Variants in NCOR2 observed in about 807,000 individuals in gnomAD.
NCOR2 encodes the protein nuclear receptor corepressor 2, also known as CTG repeat protein 26.
A neutral mutation model predicts 262.9 loss-of-function variants in NCOR2; 81 were observed. The ratio of observed to expected loss-of-function variants is 0.31; its 90% CI spans 0.26 to 0.37. The LOEUF (loss-of-function observed/expected upper bound fraction) is 0.37, where lower values mean the gene tolerates loss of function less well. Among genes scored for constraint, NCOR2 ranks in the 10% least tolerant of loss-of-function variants. The pLI is 1.00. For missense variants in NCOR2, 3,385 were observed against 3,621.4 expected (o/e 0.93, Z 1.68); for synonymous variants, 1,659 against 1,559.3 (o/e 1.06, Z -1.51).
chr12:124,488,058 G>A (rs1042645004), intron 1 of NCOR2, among the ~76,000 whole-genome samples: 2 of 152,102 alleles, frequency 1.3e-5, no homozygotes, highest in African/African-American at 2.4e-5. Context: ...AAGGGACTTC[G>A]TCTCTTCTTG....
At chr12:124,343,906 G>A (rs1209021757) in intron 32 of NCOR2, among the ~76,000 whole-genome samples, 1 of 152,186 alleles carries the variant, frequency 6.6e-6, no homozygotes, top group East Asian at 1.9e-4. Flanking sequence ...GGGATTACAG[G>A]TGTGAGCCAC....
chr12:124,428,043 CAG>C (rs1491225090), intron 10 of NCOR2, among the ~76,000 whole-genome samples: 2 of 40,964 alleles, frequency 4.9e-5, no homozygotes, highest in Non-Finnish European at 8.7e-5. Context: ...CCCATGTGGC[CAG>C]TGTGTGTGTG....
chr12:124,358,676 C>T (rs1034178125), intron 22 of NCOR2, among the ~76,000 whole-genome samples: 1 of 152,222 alleles, frequency 6.6e-6, no homozygotes, highest in Non-Finnish European at 1.5e-5. Flanking sequence ...TTAGCCGAGT[C>T]AGGATCAGAA....
chr12:124,398,753 C>A (rs1041580511), intron 15 of NCOR2, among the ~76,000 whole-genome samples: 49 of 152,270 alleles, frequency 3.2e-4, no homozygotes, highest in African/African-American at 1.2e-3. Context: ...AAACTGTTCA[C>A]AGACACTGCC....
intron 1 of NCOR2, among the ~76,000 whole-genome samples, chr12:124,560,556 G>A (rs530380546): frequency 3.3e-5 from 5 of 152,334 alleles, no homozygotes; most frequent in African/African-American, 1.2e-4. Context: ...AATCGGCTCC[G>A]AAACATATTA....
In NCOR2 at chr12:124,389,214, C is replaced by G. The variant is rs533404721; in HGVS notation, c.1877-3327G>C. ...ATGCCGGCCAGAGCCCACAGACCCC[C>G]GGGCCGGGCAAAATCCAAGGACCCA... On this transcript the variant is annotated intron_variant, in intron 16 of 46. Transcript: ENST00000405201. This position sits in a 1 kb window ranked among gnomAD's most constrained non-coding sequence, Gnocchi z 4.4. Among the ~76,000 whole-genome samples, 82 of 152,374 alleles carry G rather than the reference C, an allele frequency of 5.4e-4. 1 individual carries two copies. The highest frequency in any genetic ancestry group is 1.9e-3 in the African/African-American group (80 of 41,596).
chr12:124,354,360 G>A, intron 26 of NCOR2, 118 bp downstream of exon 28: 2 of 1,188,796 alleles, frequency 1.7e-6, no homozygotes, highest in Non-Finnish European at 2.3e-6. Context: ...CAGCTGTGAA[G>A]AGGGGCCCCC....
chr12:124,552,750 A>G (rs1370004160), intron 1 of NCOR2, among the ~76,000 whole-genome samples: 1 of 152,172 alleles, frequency 6.6e-6, no homozygotes. Context: ...GTGCAGTGGC[A>G]TGATCACAGC....
intron 17 of NCOR2, among the ~76,000 whole-genome samples, chr12:124,385,007 C>T (rs2040691737): frequency 6.6e-6 from 1 of 151,926 alleles, no homozygotes; most frequent in Non-Finnish European, 1.5e-5. Flanking sequence ...GGGGACAATG[C>T]TTGGCAAGTG....
intron 16 of NCOR2, chr12:124,388,687 C>T: frequency 3.1e-6 from 4 of 1,304,514 alleles, no homozygotes; most frequent in Non-Finnish European, 4.0e-6. Flanking sequence ...TCACTCACAT[C>T]CTCTCATTCG....
At chr12:124,468,864 A>C (rs1306950959) in intron 4 of NCOR2, among the ~76,000 whole-genome samples, 1 of 14,780 alleles carries the variant, frequency 6.8e-5, no homozygotes, top group Non-Finnish European at 1.3e-4. Context: ...TCATCACCCC[A>C]TCATCCTCAT....
exon 47 of NCOR2, chr12:124,325,379 C>CGGGG: frequency 3.2e-6 from 1 of 317,188 alleles, no homozygotes; most frequent in Non-Finnish European, 5.1e-6. Flanking sequence ...CTGACACCGC[C>CGGGG]CCCCCCCCCG....
chr12:124,357,242 G>A (rs952868400), intron 22 of NCOR2, among the ~76,000 whole-genome samples: 1 of 152,188 alleles, frequency 6.6e-6, no homozygotes, highest in African/African-American at 2.4e-5. Flanking sequence ...TTCACCTCTG[G>A]GCTCAAGTGA....
intron 20 of NCOR2, among the ~76,000 whole-genome samples, chr12:124,370,121 A>C (rs2039375780): frequency 6.6e-6 from 1 of 152,164 alleles, no homozygotes; most frequent in Non-Finnish European, 1.5e-5. Context: ...ATCCAGGCAC[A>C]ATGGCCCTGG....
chr12:124,330,788 G>T, intron 44 of NCOR2, 57 bp downstream of exon 46: 4 of 1,528,500 alleles, frequency 2.6e-6, no homozygotes, highest in Non-Finnish European at 3.6e-6. Context: ...TGGAGCAGGG[G>T]TGGGGAGGGA....
chr12:124,495,286 C>T (rs1259985151), upstream of NCOR2: 3 of 1,595,548 alleles, frequency 1.9e-6, no homozygotes, highest in East Asian at 2.3e-5. The surrounding 1 kb of genome is among the most constrained non-coding windows in gnomAD (Gnocchi z 4.4). Flanking sequence ...GCTCCCAGGC[C>T]CCAATAAGCT....
Position 124,351,196 on chromosome 12 carries a change from G to A in NCOR2, c.3694-459C>T, listed in dbSNP as rs573002105. 5.3e-5 allele frequency among the ~76,000 whole-genome samples: 8 copies of A among 152,308 alleles called. No individual in the cohort carries two copies. The East Asian group carries it at 5.8e-4, about 11-fold the overall frequency. ...CTCAGAGCCTTGACATTCAGTTACCGAAAACGGTAACTGGCGGGGACGCTG... is the reference window on the plus strand; with the variant it reads ...CTCAGAGCCTTGACATTCAGTTACCAAAAACGGTAACTGGCGGGGACGCTG... On this transcript the variant is annotated intron_variant, in intron 27 of 46. Transcript: ENST00000405201.
chr12:124,395,460 C>T (rs578117982), intron 16 of NCOR2, among the ~76,000 whole-genome samples: 21 of 152,330 alleles, frequency 1.4e-4, no homozygotes, highest in Non-Finnish European at 2.6e-4. Flanking sequence ...TTACAAATGT[C>T]ACTGAGCAGG....
chr12:124,355,453 C>T (rs370535076), exon 24 of NCOR2: 328 of 1,613,248 alleles, frequency 2.0e-4, no homozygotes, highest in Non-Finnish European at 2.7e-4. Context: ...CACCTATTTG[C>T]CTCTCGAGGA....
Sources: allele counts gnomAD v4.1 joint callset (sites outside exome capture counted in the v4.1 genomes callset), GRCh38; gene constraint gnomAD v4.1.1; non-coding constraint Gnocchi (gnomAD v3.1); transcripts MANE v1.5; gene names NCBI Gene and HGNC (gene_info 2026-07-23, HGNC 2026-07-21).